TMEM63C: variants seen among roughly 807,000 people sequenced by gnomAD.
TMEM63C encodes osmosensitive cation channel TMEM63C.
TMEM63C carries 32 observed loss-of-function variants against 99.2 expected under a neutral mutation model. The observed-to-expected ratio is 0.32, with a 90% confidence interval of 0.24 to 0.43. The LOEUF is 0.43. TMEM63C is among the 20% of genes least tolerant of loss of function. The pLI is 1.00. For missense variants in TMEM63C, 826 were observed against 1,053.0 expected, an observed-to-expected ratio of 0.78 and a Z score of 2.98; for synonymous variants, 376 against 397.9, an observed-to-expected ratio of 0.94 and a Z score of 0.66.
intron 2 of TMEM63C, among the ~76,000 whole-genome samples, chr14:77,217,724 T>C (rs1474874152): frequency 6.6e-6 from 1 of 152,244 alleles, no homozygotes; most frequent in Non-Finnish European, 1.5e-5. Flanking sequence ...GGCTCTGCAT[T>C]GGTGTCTCAC....
intron 15 of TMEM63C, among the ~76,000 whole-genome samples, chr14:77,243,887 T>TAC (rs1039137887): frequency 1.3e-5 from 2 of 151,708 alleles, no homozygotes; most frequent in African/African-American, 2.4e-5. Context: ...TGCACACACG[T>TAC]ACACACACAC....
chr14:77,233,806 A>G (rs917249852), intron 8 of TMEM63C, among the ~76,000 whole-genome samples: 1 of 152,114 alleles, frequency 6.6e-6, no homozygotes, highest in Admixed American at 6.5e-5. Context: ...GGCAGAGACC[A>G]TGTGCTGAAA....
chr14:77,187,062 G>A (rs1432523640), intron 1 of TMEM63C, among the ~76,000 whole-genome samples: 3 of 152,136 alleles, frequency 2.0e-5, no homozygotes, highest in South Asian at 2.1e-4. Flanking sequence ...TCCTCTCCAC[G>A]CCTTGGGAGA....
chr14:77,183,619 G>C (rs993887365), intron 1 of TMEM63C, among the ~76,000 whole-genome samples: 1 of 152,154 alleles, frequency 6.6e-6, no homozygotes, highest in Non-Finnish European at 1.5e-5. Flanking sequence ...CCGGATCGGG[G>C]GTTTGGGCCA....
At chr14:77,241,771 T>G (rs1170269794) in intron 13 of TMEM63C, among the ~76,000 whole-genome samples, 1 of 152,246 alleles carries the variant, frequency 6.6e-6, no homozygotes, top group East Asian at 1.9e-4. Context: ...TAAGGTTATA[T>G]TGTTCATTCT....
chr14:77,201,736 C>T (rs1215737689), intron 1 of TMEM63C, among the ~76,000 whole-genome samples: 3 of 152,162 alleles, frequency 2.0e-5, no homozygotes, highest in South Asian at 2.1e-4. Context: ...CAAGGGTGTG[C>T]GTTCACTTTC....
chr14:77,245,534 G>A (rs1178222974), intron 16 of TMEM63C, among the ~76,000 whole-genome samples: 2 of 152,214 alleles, frequency 1.3e-5, no homozygotes, highest in African/African-American at 2.4e-5. Flanking sequence ...TCAAGACTGG[G>A]TAATTAACAT....
chr14:77,241,997 A>G (rs1276845514), intron 13 of TMEM63C, among the ~76,000 whole-genome samples: 1 of 152,262 alleles, frequency 6.6e-6, no homozygotes, highest in African/African-American at 2.4e-5. Flanking sequence ...TATTGATATT[A>G]AGATGAGGCT....
chr14:77,184,350 G>A (rs1311407322), intron 1 of TMEM63C, among the ~76,000 whole-genome samples: 7 of 152,068 alleles, frequency 4.6e-5, no homozygotes, highest in African/African-American at 1.4e-4. Flanking sequence ...ATATTTAACA[G>A]GATGTTCACC....
intron 1 of TMEM63C, among the ~76,000 whole-genome samples, chr14:77,202,038 A>T (rs541936177): frequency 6.6e-6 from 1 of 152,212 alleles, no homozygotes; most frequent in African/African-American, 2.4e-5. Flanking sequence ...CATCCCTTCT[A>T]GGTGCTCCCT....
chr14:77,234,226 C>T (rs1277197989), intron 8 of TMEM63C, among the ~76,000 whole-genome samples: 1 of 152,220 alleles, frequency 6.6e-6, no homozygotes, highest in Non-Finnish European at 1.5e-5. Context: ...GTGGGGTTCA[C>T]ACACCCCTGC....
At chr14:77,217,238 C>T (rs1888606074) in intron 2 of TMEM63C, among the ~76,000 whole-genome samples, 1 of 152,186 alleles carries the variant, frequency 6.6e-6, no homozygotes, top group African/African-American at 2.4e-5. Context: ...CTTGCTTCCC[C>T]AACTCTCCGG....
Position 77,256,644 on chromosome 14 carries a change from G to A in TMEM63C, c.2339G>A (p.Gly780Asp). 6 of 1,614,014 alleles carry A rather than the reference G, an allele frequency of 3.7e-6. No individual in the cohort carries two copies. The highest frequency in any genetic ancestry group is 5.1e-6 in the Non-Finnish European group (6 of 1,179,894). ...CCGGAAGAGGGAGAAGAAGAGAGTG[G>A]TCTGAGGGGCTTTGCGAGGGAGCTA... ...NQPEEGEEES[G>D]LRGFARELDS... Residue 780 changes from glycine (G) to aspartate (D), a missense_variant, in exon 24 of 24, where the codon GGT (glycine) becomes GAT (aspartate). Physicochemically the swap from Gly to Asp is moderately conservative, Grantham distance 94. Transcript: ENST00000298351.
At chr14:77,189,140 T>G (rs1328146057) in intron 1 of TMEM63C, among the ~76,000 whole-genome samples, 1 of 151,996 alleles carries the variant, frequency 6.6e-6, no homozygotes, top group Non-Finnish European at 1.5e-5. Context: ...GACAGGGTCT[T>G]GCTTTGTTGC....
At chr14:77,208,890 G>T (rs1252554618) in intron 1 of TMEM63C, among the ~76,000 whole-genome samples, 1 of 152,208 alleles carries the variant, frequency 6.6e-6, no homozygotes, top group Non-Finnish European at 1.5e-5. Flanking sequence ...TGTCCATGGT[G>T]CTGAGAGCCC....
intron 13 of TMEM63C, among the ~76,000 whole-genome samples, chr14:77,241,143 G>T (rs979652080): frequency 6.6e-6 from 1 of 151,822 alleles, no homozygotes; most frequent in African/African-American, 2.4e-5. Flanking sequence ...TAGAGACGGG[G>T]TTTCACCATG....
intron 13 of TMEM63C, 50 bp from the exon 14 acceptor site, chr14:77,242,297 A>AGCCCCCCC: frequency 2.0e-6 from 3 of 1,473,744 alleles, no homozygotes; most frequent in Non-Finnish European, 2.8e-6. Context: ...TCCTAAGCCC[A>AGCCCCCCC]TCCCCCCACC....
At position 77,242,401 on chromosome 14, in the gene TMEM63C, A is replaced by G; in HGVS notation, c.1119A>G (p.Ser373=). Residue 373 remains serine (S), a synonymous_variant, in exon 14 of 24, where the codon TCA becomes TCG. Coordinates refer to ENST00000298351, the MANE Select transcript of TMEM63C (RefSeq NM_020431.4). ...VQCGVQPQQS[S]VTTIVKSYYW... ...GTGGTGTGCAACCCCAGCAGTCCTC[A>G]GTGACCACCATCGTCAAATCATATT... 1.2e-6 allele frequency: 2 copies of G among 1,613,124 alleles called. No individual in the cohort carries two copies. Among genetic ancestry groups the G allele is most frequent in the Non-Finnish European group, 1.7e-6 (2 of 1,179,776 alleles).
intron 2 of TMEM63C, among the ~76,000 whole-genome samples, chr14:77,215,614 A>AAAAAAAAAAAAAGAAAAGAAAAGAAAAG (rs772701077): frequency 1.3e-5 from 1 of 76,528 alleles, no homozygotes; most frequent in Non-Finnish European, 2.4e-5. Context: ...AAAAAAAAAA[A>AAAAAAAAAAAAAGAAAAGAAAAGAAAAG]AAAAGAAAAG....
Sources: gnomAD v4.1 joint callset for allele counts (sites outside exome capture counted in the v4.1 genomes callset) on GRCh38, gnomAD v4.1.1 for gene constraint, MANE v1.5 for transcripts, NCBI Gene and HGNC (gene_info 2026-07-23, HGNC 2026-07-21) for gene names.